Variants in FHIT observed in about 807,000 individuals in gnomAD.
FHIT encodes bis(5'-adenosyl)-triphosphatase.
A neutral mutation model predicts 17.9 loss-of-function variants in FHIT; 19 were observed. The observed-to-expected ratio is 1.06, with a 90% CI of 0.74 to 1.56. The LOEUF is 1.56. Ranked by LOEUF, FHIT falls within the 40% of genes most tolerant of loss-of-function variation. The pLI is 0.00. For synonymous variants in FHIT, 81 were observed against 69.7 expected (o/e 1.16, Z -0.81); for missense variants, 248 against 189.2 (o/e 1.31, Z -1.82).
intron 5 of FHIT, among the ~76,000 whole-genome samples, chr3:60,495,189 G>A (rs551976398): frequency 1.1e-4 from 16 of 151,794 alleles, no homozygotes; most frequent in South Asian, 2.1e-4. Flanking sequence ...ATGATATCTC[G>A]TTGTAGTTCT....
At chr3:60,910,769 G>C (rs944430969) in intron 3 of FHIT, among the ~76,000 whole-genome samples, 9 of 151,974 alleles carry the variant, frequency 5.9e-5, no homozygotes, top group Non-Finnish European at 8.8e-5. Flanking sequence ...TATAGAGAAG[G>C]CTCTCCAAAC....
At chr3:60,189,057 A>AG (rs1163328468) in intron 5 of FHIT, among the ~76,000 whole-genome samples, 1 of 152,142 alleles carries the variant, frequency 6.6e-6, no homozygotes, top group Non-Finnish European at 1.5e-5. Context: ...CTCCTCACCT[A>AG]GCTTTTGAAA....
intron 3 of FHIT, among the ~76,000 whole-genome samples, chr3:60,969,171 G>T (rs755708240): frequency 6.6e-6 from 1 of 151,930 alleles, no homozygotes; most frequent in Non-Finnish European, 1.5e-5. Flanking sequence ...TTTTTTGTGG[G>T]AAGATTTCTA....
At chr3:60,563,714 G>A (rs951072915) in intron 4 of FHIT, among the ~76,000 whole-genome samples, 1 of 152,214 alleles carries the variant, frequency 6.6e-6, no homozygotes, top group African/African-American at 2.4e-5. Context: ...GCCTAATCCA[G>A]AGCAAGGTCC....
At chr3:61,051,630 G>A (rs2034031292) in intron 2 of FHIT, among the ~76,000 whole-genome samples, 2 of 152,122 alleles carry the variant, frequency 1.3e-5, no homozygotes, top group Admixed American at 1.3e-4. Flanking sequence ...CCACTGGGTT[G>A]GCAAATGACA....
chr3:60,458,346 C>T (rs1024488725), intron 5 of FHIT, among the ~76,000 whole-genome samples: 2 of 151,544 alleles, frequency 1.3e-5, no homozygotes, highest in African/African-American at 4.9e-5. Context: ...AAACCAAACA[C>T]CGCATGTTCT....
chr3:60,566,378 T>C (rs2856007), intron 4 of FHIT, among the ~76,000 whole-genome samples: 51,903 of 151,896 alleles, frequency 0.34, 9,267 homozygotes, highest in African/African-American at 0.44. Context: ...TCTCAATAGA[T>C]GCAGAAAAGG....
chr3:61,205,870 GT>G (rs1266842475), intron 1 of FHIT, among the ~76,000 whole-genome samples: 1 of 149,932 alleles, frequency 6.7e-6, no homozygotes, highest in East Asian at 2.0e-4. Context: ...TGCTTTTGGT[GT>G]TTTAGACATG....
chr3:61,076,443 T>C (rs1328078766), intron 2 of FHIT, among the ~76,000 whole-genome samples: 1 of 152,122 alleles, frequency 6.6e-6, no homozygotes, highest in African/African-American at 2.4e-5. Context: ...CCATGACATG[T>C]CTCTTGAGGA....
intron 2 of FHIT, among the ~76,000 whole-genome samples, chr3:61,068,188 G>T (rs1348498580): frequency 6.6e-6 from 1 of 152,176 alleles, no homozygotes; most frequent in African/African-American, 2.4e-5. Context: ...TATTCTGTGG[G>T]TCAGAAGTCT....
chr3:60,101,821 C>G (rs1028852183), intron 5 of FHIT, among the ~76,000 whole-genome samples: 7 of 152,188 alleles, frequency 4.6e-5, no homozygotes, highest in African/African-American at 1.2e-4. Flanking sequence ...AACCAGCGCT[C>G]TCCCACATGG....
chr3:60,150,579 C>T (rs1044929474), intron 5 of FHIT, among the ~76,000 whole-genome samples: 1 of 152,090 alleles, frequency 6.6e-6, no homozygotes, highest in Non-Finnish European at 1.5e-5. Flanking sequence ...ACCTCAGTCT[C>T]GAAAGTCGCT....
At chr3:59,910,553 T>C (rs1393178098) in intron 8 of FHIT, among the ~76,000 whole-genome samples, 1 of 152,164 alleles carries the variant, frequency 6.6e-6, no homozygotes, top group Non-Finnish European at 1.5e-5. Context: ...TTGTCTCATC[T>C]CTCATGGCTA....
intron 5 of FHIT, among the ~76,000 whole-genome samples, chr3:60,339,967 C>T (rs1710434974): frequency 6.6e-6 from 1 of 152,118 alleles, no homozygotes; most frequent in South Asian, 2.1e-4. Context: ...GAAGACCTAA[C>T]TAAACAGATG....
chr3:60,561,685 G>C (rs1175723435), intron 4 of FHIT, among the ~76,000 whole-genome samples: 1 of 152,174 alleles, frequency 6.6e-6, no homozygotes, highest in Non-Finnish European at 1.5e-5. Flanking sequence ...ATGGGAGCCA[G>C]AGATAGAAGG....
intron 2 of FHIT, among the ~76,000 whole-genome samples, chr3:61,049,273 A>C (rs1467413562): frequency 2.0e-5 from 3 of 151,658 alleles, no homozygotes; most frequent in Non-Finnish European, 2.9e-5. Flanking sequence ...TTCATTCATT[A>C]ATTAAAAATT....
intron 8 of FHIT, among the ~76,000 whole-genome samples, chr3:59,891,416 T>C (rs923497058): frequency 6.6e-6 from 1 of 152,172 alleles, no homozygotes; most frequent in Non-Finnish European, 1.5e-5. Context: ...AGAATTCCCA[T>C]TGCTGGGTAG....
chr3:60,910,351 G>A (rs1441792364), intron 3 of FHIT, among the ~76,000 whole-genome samples: 1 of 151,840 alleles, frequency 6.6e-6, no homozygotes, highest in Admixed American at 6.6e-5. Context: ...TGAGGGGGGT[G>A]AGAGCAGAGG....
At chr3:61,204,700 G>A (rs886385454) in intron 1 of FHIT, among the ~76,000 whole-genome samples, 1 of 152,108 alleles carries the variant, frequency 6.6e-6, no homozygotes, top group African/African-American at 2.4e-5. Flanking sequence ...GTTTTGAAAA[G>A]AAAAGTGTGG....
Sources: allele counts gnomAD v4.1 joint callset (sites outside exome capture counted in the v4.1 genomes callset), GRCh38; gene constraint gnomAD v4.1.1; transcripts MANE v1.5; gene names NCBI Gene and HGNC (gene_info 2026-07-23, HGNC 2026-07-21).